Variants in SLC22A9 observed in about 807,000 individuals in gnomAD.
SLC22A9 encodes organic anion transporter 7.
Under a neutral mutation model 50.1 loss-of-function variants are expected in SLC22A9, and 64 were observed. The observed-to-expected ratio is 1.28, with a 90% confidence interval of 1.04 to 1.57. The LOEUF (loss-of-function observed/expected upper bound fraction) is 1.57. Among genes scored for constraint, SLC22A9 ranks in the 40% most tolerant of loss-of-function variants. The pLI, the probability that SLC22A9 is intolerant of heterozygous loss-of-function variation, is 0.00. For missense variants in SLC22A9, 757 were observed against 676.1 expected (o/e 1.12, Z -1.33); for synonymous variants, 261 against 242.5 (o/e 1.08, Z -0.71).
chr11:63,402,094 G>A, intron 6 of SLC22A9, among the ~76,000 whole-genome samples: 1 of 152,020 alleles, frequency 6.6e-6, no homozygotes, highest in Non-Finnish European at 1.5e-5. Flanking sequence ...TTCCTTTGCT[G>A]TTCAGAAGCT....
chr11:63,392,487 T>C (rs2014781497), intron 6 of SLC22A9, among the ~76,000 whole-genome samples: 1 of 152,048 alleles, frequency 6.6e-6, no homozygotes, highest in Admixed American at 6.6e-5. Context: ...TGGCTGGATA[T>C]ACTACTCTGG....
rs1466546119 is a variant in SLC22A9 at position 63,370,266 on chromosome 11, T to G, written c.210T>G (p.Asp70Glu). 6.8e-6 allele frequency: 11 copies of G among 1,613,942 alleles called. No individual in the cohort carries two copies. The Admixed American group carries it at 1.5e-4, about 22-fold the overall frequency. ...SDNDTGALSQ[D>E]ALLRISIPLD... Reference sequence around the variant, plus strand: ...ATGACACTGGGGCCCTCAGCCAAGATGCACTCTTGAGAATCTCCATCCCAC... The same window carrying G: ...ATGACACTGGGGCCCTCAGCCAAGAGGCACTCTTGAGAATCTCCATCCCAC... Residue 70 changes from aspartate (D) to glutamate (E), a missense_variant, in exon 1 of 10, where the codon GAT becomes GAG. By Grantham distance (45) the Asp-to-Glu change is conservative. Transcript: ENST00000279178.
chr11:63,380,856 G>T (rs1035676384), intron 5 of SLC22A9, among the ~76,000 whole-genome samples: 13 of 151,402 alleles, frequency 8.6e-5, no homozygotes, highest in African/African-American at 2.9e-4. Context: ...GAGCCTAAAA[G>T]TTGGAAAGTA....
chr11:63,381,877 C>T (rs2119904365), intron 5 of SLC22A9, among the ~76,000 whole-genome samples: 1 of 152,290 alleles, frequency 6.6e-6, no homozygotes, highest in South Asian at 2.1e-4. Flanking sequence ...CGGTCCCCAT[C>T]ATGGTCTGAT....
At chr11:63,405,164 T>C (rs2015016042) in intron 6 of SLC22A9, among the ~76,000 whole-genome samples, 1 of 152,068 alleles carries the variant, frequency 6.6e-6, no homozygotes, top group South Asian at 2.1e-4. Flanking sequence ...ACATGGCAAC[T>C]AGCAGTTTAT....
At chr11:63,381,321 T>C (rs2014556707) in intron 5 of SLC22A9, among the ~76,000 whole-genome samples, 1 of 152,158 alleles carries the variant, frequency 6.6e-6, no homozygotes, top group South Asian at 2.1e-4. Flanking sequence ...TTTTAGGTGT[T>C]TTACTACTGT....
In SLC22A9 at chr11:63,406,519, T is replaced by A; in HGVS notation, c.1096T>A (p.Phe366Ile). The change falls in exon 7 of 10, where the codon TTT becomes ATT. Residue 366 changes from phenylalanine to isoleucine, a missense_variant. Transcript: ENST00000279178. Reference sequence around the variant, plus strand: ...CAGATTTGCAAACTTTATGGCCTATTTTGGCCTTAATCTCCATGTCCAGCA... The same window carrying A: ...CAGATTTGCAAACTTTATGGCCTATATTGGCCTTAATCTCCATGTCCAGCA... ...FTRFANFMAY[F>I]GLNLHVQHLG... 6.2e-7 allele frequency: 1 copy of A among 1,613,690 alleles called. No homozygotes were observed. The highest frequency in any genetic ancestry group is 8.5e-7 in the Non-Finnish European group (1 of 1,179,714).
At position 63,370,070 on chromosome 11, in the gene SLC22A9, A is replaced by G. The variant is rs765887719; in HGVS notation, c.14A>G (p.Asp5Gly). The G allele has an allele frequency of 7.0e-5, 113 of 1,611,552 alleles. No individual in the cohort carries two copies. Among genetic ancestry groups the G allele is most frequent in the Non-Finnish European group, 7.4e-5 (87 of 1,178,720 alleles). The part of the protein sequence containing the change: MAFQ[D>G]LLGHAGDLWR... ...TGTTCAACCTCAATGGCCTTTCAGGACCTCCTGGGTCACGCTGGTGACCTG... is the reference window on the plus strand; with the variant it reads ...TGTTCAACCTCAATGGCCTTTCAGGGCCTCCTGGGTCACGCTGGTGACCTG... The change falls in exon 1 of 10, where the codon GAC becomes GGC. Residue 5 changes from aspartate to glycine, a missense_variant. Coordinates refer to ENST00000279178, the MANE Select transcript of SLC22A9 (RefSeq NM_080866.3).
At chr11:63,398,955 G>A (rs1591025863) in intron 6 of SLC22A9, among the ~76,000 whole-genome samples, 1 of 152,242 alleles carries the variant, frequency 6.6e-6, no homozygotes, top group Middle Eastern at 3.4e-3. Context: ...TTCTACTTCA[G>A]TGTATGCATC....
Position 63,397,394 on chromosome 11 carries a change from T to A in SLC22A9, c.1074-9103T>A, listed in dbSNP as rs1486980569. Among the ~76,000 whole-genome samples, 4 of 152,020 alleles carry A rather than the reference T, an allele frequency of 2.6e-5. No individual in the cohort carries two copies. The East Asian group carries it at 5.8e-4, about 22-fold the overall frequency. On this transcript the variant is annotated intron_variant, in intron 6 of 9. Coordinates refer to ENST00000279178, the MANE Select transcript of SLC22A9 (RefSeq NM_080866.3). ...AATCACTGCCTGGCTACTGCCTAGG[T>A]TTGCCCAAGGCCCTAGGGCTCTACA...
Position 63,375,634 on chromosome 11 carries a change from TC to T in SLC22A9, c.831-9del. 1 of 1,611,394 alleles carries T rather than the reference TC, an allele frequency of 6.2e-7. No homozygotes were observed. Among genetic ancestry groups the T allele is most frequent in the Non-Finnish European group, 8.5e-7 (1 of 1,178,346 alleles). ...AAAGTCGACTGCCCCTCTGTTCTCTTCCTTGGTCAGTTGGCTGCTAGAGTCT... is the reference window on the plus strand; with the variant it reads ...AAAGTCGACTGCCCCTCTGTTCTCTTCTTGGTCAGTTGGCTGCTAGAGTCT... On this transcript the variant is annotated splice_polypyrimidine_tract_variant and intron_variant, in intron 4 of 9. Transcript: ENST00000279178.
Position 63,369,934 on chromosome 11 carries a change from A to C in SLC22A9, c.-123A>C. On this transcript the variant is annotated 5_prime_UTR_variant, in exon 1 of 10. Transcript: ENST00000279178. ...CAGAGGGGAAGCACAGTCGTCAAGA[A>C]GAGAGTGGGGTCAGGATCAAAACAC... The C allele has an allele frequency of 4.0e-6, 4 of 988,396 alleles. No homozygotes were observed. Among genetic ancestry groups the C allele is most frequent in the African/African-American group, 1.6e-5 (1 of 61,320 alleles). The allele number at this position is 988,396 out of a possible 1,614,324, so 61.2% of individuals were successfully genotyped here.
At chr11:63,404,991 G>A (rs1258727117) in intron 6 of SLC22A9, among the ~76,000 whole-genome samples, 1 of 152,122 alleles carries the variant, frequency 6.6e-6, no homozygotes, top group Non-Finnish European at 1.5e-5. Context: ...GGAGGGCAGT[G>A]TTCTGTCCCC....
At chr11:63,394,116 T>C (rs2014810826) in intron 6 of SLC22A9, among the ~76,000 whole-genome samples, 1 of 152,158 alleles carries the variant, frequency 6.6e-6, no homozygotes, top group African/African-American at 2.4e-5. Context: ...CTTCACGAAG[T>C]TCTCGTGTTG....
In SLC22A9 at chr11:63,408,163, C is replaced by T; in HGVS notation, c.1340C>T (p.Ala447Val). The change falls in exon 8 of 10, where the codon GCT (alanine) becomes GTT (valine). Residue 447 changes from alanine to valine, a missense_variant. Coordinates refer to ENST00000279178, the MANE Select transcript of SLC22A9 (RefSeq NM_080866.3). Reference sequence around the variant, plus strand: ...GCAACACTGGGCTTAGGAGCGTCTGCTCTTGCCAATACCCTTGCTTTTGCC... The same window carrying T: ...GCAACACTGGGCTTAGGAGCGTCTGTTCTTGCCAATACCCTTGCTTTTGCC... ...VLATLGLGASALANTLAFAHG... is the reference protein window; with the variant it reads ...VLATLGLGASVLANTLAFAHG... The T allele has an allele frequency of 2.5e-6, 4 of 1,613,796 alleles. No individual in the cohort carries two copies. Among genetic ancestry groups the T allele is most frequent in the Non-Finnish European group, 3.4e-6 (4 of 1,179,800 alleles).
At chr11:63,402,268 A>G (rs2014964174) in intron 6 of SLC22A9, among the ~76,000 whole-genome samples, 1 of 152,086 alleles carries the variant, frequency 6.6e-6, no homozygotes, top group South Asian at 2.1e-4. Flanking sequence ...CCTTTCATCC[A>G]TCTTGGGTTG....
intron 6 of SLC22A9, 33 bp downstream of exon 6, chr11:63,382,310 C>G: frequency 6.7e-7 from 1 of 1,494,708 alleles, no homozygotes. Flanking sequence ...GGGTAAGTTA[C>G]AGTACTGGAG....
chr11:63,406,903 T>C (rs573031543), intron 7 of SLC22A9, among the ~76,000 whole-genome samples, 192 bp downstream of exon 7: 7 of 152,290 alleles, frequency 4.6e-5, no homozygotes, highest in Non-Finnish European at 1.5e-5. Context: ...GAGTAAAGGT[T>C]GGCTCTATTA....
chr11:63,375,883 G>A, intron 5 of SLC22A9, 115 bp downstream of exon 5: 2 of 1,314,666 alleles, frequency 1.5e-6, no homozygotes, highest in South Asian at 3.0e-5. Flanking sequence ...GTATGGTTAT[G>A]GGCTGTATCA....
Sources: gnomAD v4.1 joint callset for allele counts (sites outside exome capture counted in the v4.1 genomes callset) on GRCh38, gnomAD v4.1.1 for gene constraint, MANE v1.5 for transcripts, NCBI Gene and HGNC (gene_info 2026-07-23, HGNC 2026-07-21) for gene names.